Variants in CREB3L3 observed in about 807,000 individuals in gnomAD.
The protein encoded by CREB3L3 is cAMP responsive element binding protein 3 like 3.
CREB3L3 carries 40 observed loss-of-function variants against 44.6 expected under a neutral mutation model. The ratio of observed to expected loss-of-function variants is 0.90; its 90% CI spans 0.70 to 1.17. The LOEUF (loss-of-function observed/expected upper bound fraction) is 1.17, where lower values mean the gene tolerates loss of function less well. CREB3L3 is among the 50% of genes most tolerant of loss of function. The pLI is 0.00. For synonymous variants in CREB3L3, 273 were observed against 256.3 expected (o/e 1.06, Z -0.62); for missense variants, 578 against 595.8 (o/e 0.97, Z 0.31).
At chr19:4,159,909 A>T (rs936070151) in intron 4 of CREB3L3, 127 bp downstream of exon 4, 5 of 686,722 alleles carry the variant, frequency 7.3e-6, no homozygotes, top group Non-Finnish European at 1.3e-5. Context: ...ATTTGCCCAC[A>T]GTTAGAGACC....
chr19:4,172,811 G>T lies in CREB3L3; in HGVS notation c.*842G>T. ...GCCTAAAACAGACCTGGACAGACAG[G>T]CAGACGTAGTCTGAAACAGACCTGA... On this transcript the variant is annotated 3_prime_UTR_variant, in exon 10 of 10. Coordinates refer to ENST00000078445, the MANE Select transcript of CREB3L3 (RefSeq NM_032607.3). The T allele has an allele frequency of 5.9e-6, 1 of 168,660 alleles. No individual in the cohort carries two copies. Among genetic ancestry groups the T allele is most frequent in the South Asian group, 1.3e-4 (1 of 7,852 alleles). 10.4% of individuals were successfully genotyped at this position (168,660 alleles called of 1,614,324 possible).
At chr19:4,153,914 C>T in intron 1 of CREB3L3, 140 bp downstream of exon 1, 1 of 1,025,136 alleles carries the variant, frequency 9.8e-7, no homozygotes, top group South Asian at 1.4e-5. Context: ...ATGCAATGAG[C>T]AAAACTGTGT....
At chr19:4,162,650 C>T (rs1361204518) in intron 4 of CREB3L3, among the ~76,000 whole-genome samples, 1 of 151,918 alleles carries the variant, frequency 6.6e-6, no homozygotes, top group African/African-American at 2.4e-5. Context: ...CACGACTGCA[C>T]TCCAGCCTGG....
intron 3 of CREB3L3, among the ~76,000 whole-genome samples, chr19:4,158,698 G>C (rs1411542795): frequency 6.6e-6 from 1 of 151,906 alleles, no homozygotes; most frequent in Non-Finnish European, 1.5e-5. Flanking sequence ...CTACTCGGGA[G>C]GCTAAGGCAG....
At chr19:4,154,603 G>C (rs569278431) in intron 1 of CREB3L3, among the ~76,000 whole-genome samples, 1 of 151,860 alleles carries the variant, frequency 6.6e-6, no homozygotes, top group Non-Finnish European at 1.5e-5. Flanking sequence ...TGAACTCCTG[G>C]GCTCAAGTGA....
Position 4,171,654 on chromosome 19 carries a change from A to G in CREB3L3, c.1073-2A>G, listed in dbSNP as rs780011122. 23 of 1,613,040 alleles carry G rather than the reference A, an allele frequency of 1.4e-5. No individual in the cohort carries two copies. The highest frequency in any genetic ancestry group is 3.3e-5 in the Admixed American group (2 of 59,978). ...CCTGTGATGCCCCCCTTCCCCAATC[A>G]GTGTTCTCCAGAACTTTGCACAACG... On this transcript the variant is annotated splice_acceptor_variant, in intron 9 of 9. Coordinates refer to ENST00000078445, the MANE Select transcript of CREB3L3 (RefSeq NM_032607.3). LOFTEE classifies it high-confidence loss of function. The surrounding 1 kb of genome is among the most constrained non-coding windows in gnomAD (Gnocchi z 4.9).
intron 4 of CREB3L3, among the ~76,000 whole-genome samples, chr19:4,161,602 G>C (rs1037727300): frequency 6.9e-6 from 1 of 144,186 alleles, no homozygotes; most frequent in South Asian, 2.3e-4. Flanking sequence ...AGCCAGGTTT[G>C]ACAACCCAAA....
chr19:4,157,715 TCA>T (rs1171110761), intron 3 of CREB3L3, among the ~76,000 whole-genome samples: 2 of 152,070 alleles, frequency 1.3e-5, no homozygotes, highest in Admixed American at 6.6e-5. Context: ...AGACAGAGTT[TCA>T]CTCTGTCACC....
intron 5 of CREB3L3, among the ~76,000 whole-genome samples, chr19:4,167,494 AAG>A (rs140872525): frequency 2.3e-5 from 3 of 129,604 alleles, no homozygotes; most frequent in East Asian, 2.5e-4. Context: ...GAAAGAGAGA[AAG>A]AGAAAGAGAA....
intron 3 of CREB3L3, among the ~76,000 whole-genome samples, chr19:4,158,282 G>C (rs539272855): frequency 6.6e-6 from 1 of 151,938 alleles, no homozygotes; most frequent in Admixed American, 6.6e-5. Context: ...CGGATCACTT[G>C]AGGTTAGGAC....
chr19:4,166,408 C>A (rs1184161697), intron 5 of CREB3L3, among the ~76,000 whole-genome samples: 1 of 148,040 alleles, frequency 6.8e-6, no homozygotes, highest in African/African-American at 2.5e-5. Flanking sequence ...GCACGCGCCA[C>A]CACGCCTGGC....
In CREB3L3 at chr19:4,171,943, C is replaced by T; in HGVS notation, c.1360C>T (p.Leu454=). The change falls in exon 10 of 10, where the codon CTG becomes TTG. Residue 454 remains leucine, a synonymous_variant. Transcript: ENST00000078445. The surrounding 1 kb of genome is among the most constrained non-coding windows in gnomAD (Gnocchi z 4.9). ...GAGCACTGGCTCAGGACGTGCAGGG[C>T]TGGAGGCGGCGGGAGACGAGCTGTG... ...GPSTGSGRAG[L]EAAGDEL 6.2e-7 allele frequency: 1 copy of T among 1,606,726 alleles called. No individual in the cohort carries two copies. Among genetic ancestry groups the T allele is most frequent in the Non-Finnish European group, 8.5e-7 (1 of 1,177,508 alleles).
At position 4,170,124 on chromosome 19, in the gene CREB3L3, G is replaced by T; in HGVS notation, c.822-16G>T. ...ACTGGCATATGCTGAATGTCGATGC[G>T]TCTTCCTCCTTTCAGGATGTCAGCT... On this transcript the variant is annotated splice_polypyrimidine_tract_variant and intron_variant, in intron 6 of 9. Coordinates refer to ENST00000078445, the MANE Select transcript of CREB3L3 (RefSeq NM_032607.3). 6.2e-7 allele frequency: 1 copy of T among 1,613,782 alleles called. No individual in the cohort carries two copies. Among genetic ancestry groups the T allele is most frequent in the South Asian group, 1.1e-5 (1 of 91,082 alleles).
chr19:4,156,107 C>G (rs350874), intron 2 of CREB3L3, among the ~76,000 whole-genome samples: 104,306 of 133,652 alleles, frequency 0.78, 41,681 homozygotes, highest in East Asian at 0.91. Context: ...CTCTCTCTCT[C>G]TCTCTCTCTC....
intron 6 of CREB3L3, among the ~76,000 whole-genome samples, chr19:4,168,969 A>T (rs1966983910): frequency 6.6e-6 from 1 of 151,996 alleles, no homozygotes; most frequent in Non-Finnish European, 1.5e-5. Context: ...TCCTGACCTC[A>T]GGTGATCTGG....
intron 4 of CREB3L3, among the ~76,000 whole-genome samples, chr19:4,163,732 C>T (rs1292897796): frequency 3.3e-5 from 5 of 151,538 alleles, no homozygotes. Context: ...AGGCTAGTCT[C>T]GAACTCCTGA....
rs1473473337 is a variant in CREB3L3 at position 4,171,531 on chromosome 19, C to T, written c.1072+52C>T. 1 of 1,605,824 alleles carries T rather than the reference C, an allele frequency of 6.2e-7. No individual in the cohort carries two copies. The highest frequency in any genetic ancestry group is 2.2e-5 in the East Asian group (1 of 44,800). On this transcript the variant is annotated intron_variant, in intron 9 of 9. Coordinates refer to ENST00000078445, the MANE Select transcript of CREB3L3 (RefSeq NM_032607.3). This position sits in a 1 kb window ranked among gnomAD's most constrained non-coding sequence, Gnocchi z 4.9. ...TTGTCTGGTCTCCCCAAGTCCCCGT[C>T]CTGGGCCTCTGGGGGAGGGGGAGAA...
Position 4,155,028 on chromosome 19 carries a change from G to A in CREB3L3, c.156+1G>A, listed in dbSNP as rs2041554412. Reference sequence around the variant, plus strand: ...GGGCTGGGGTCACGTCAAGGACCAGGTGAGGAGTCCACTGCAGTTGCCCCG... The same window carrying A: ...GGGCTGGGGTCACGTCAAGGACCAGATGAGGAGTCCACTGCAGTTGCCCCG... On this transcript the variant is annotated splice_donor_variant, in intron 2 of 9. Transcript: ENST00000078445. LOFTEE classifies it high-confidence loss of function. 3 of 1,605,992 alleles carry A rather than the reference G, an allele frequency of 1.9e-6. No homozygotes were observed. Among genetic ancestry groups the A allele is most frequent in the East Asian group, 4.5e-5 (2 of 44,860 alleles).
At chr19:4,162,237 A>C (rs960175073) in intron 4 of CREB3L3, among the ~76,000 whole-genome samples, 3 of 151,812 alleles carry the variant, frequency 2.0e-5, no homozygotes, top group East Asian at 3.9e-4. Flanking sequence ...ATCTCCTGAC[A>C]TCAGGTGATC....
Sources: gnomAD v4.1 joint callset for allele counts (sites outside exome capture counted in the v4.1 genomes callset) on GRCh38, gnomAD v4.1.1 for gene constraint, Gnocchi (gnomAD v3.1) non-coding constraint, MANE v1.5 for transcripts, NCBI Gene and HGNC (gene_info 2026-07-23, HGNC 2026-07-21) for gene names.